CHAT: variants seen among roughly 807,000 people sequenced by gnomAD.
The protein encoded by CHAT is choline O-acetyltransferase.
In CHAT, 61 loss-of-function variants were observed where a neutral mutation model predicts 76.9. That is an observed-to-expected ratio of 0.79 (90% confidence interval 0.65 to 0.98). CHAT has a LOEUF of 0.98. Among genes scored for constraint, CHAT ranks in the 50% least tolerant of loss-of-function variants. The pLI is 0.00. For missense variants in CHAT, 946 were observed against 986.9 expected (o/e 0.96, Z 0.56); for synonymous variants, 407 against 397.4 (o/e 1.02, Z -0.29).
At chr10:49,640,315 T>C (rs1839437689) in intron 7 of CHAT, among the ~76,000 whole-genome samples, 1 of 152,166 alleles carries the variant, frequency 6.6e-6, no homozygotes, top group Admixed American at 6.5e-5. Flanking sequence ...TGATTTTCTG[T>C]TGAAACTTGG....
In CHAT at chr10:49,627,835, C is replaced by T. The variant is rs1396014904; in HGVS notation, c.1111+50C>T. The T allele has an allele frequency of 1.9e-6, 3 of 1,587,010 alleles. No individual in the cohort carries two copies. The Admixed American group carries it at 5.2e-5, about 27-fold the overall frequency. On this transcript the variant is annotated intron_variant, in intron 7 of 14. Transcript: ENST00000337653. ...TCCATGCCCATCTCATGCTCGTGCC[C>T]ATTGGCTTTCCCTCCTCTAGGGTTG... is the stretch of plus-strand genomic sequence containing the variant.
Position 49,649,844 on chromosome 10 carries a change from T to C in CHAT, c.1511+208T>C, listed in dbSNP as rs1917812. On this transcript the variant is annotated intron_variant, in intron 10 of 14. Coordinates refer to ENST00000337653, the MANE Select transcript of CHAT (RefSeq NM_020549.5). ...ACCTTGCTGAAGTATCCATCATTTCTCTAAAATGCAAACGCAGGGCTATTT... is the reference window on the plus strand; with the variant it reads ...ACCTTGCTGAAGTATCCATCATTTCCCTAAAATGCAAACGCAGGGCTATTT... Among the ~76,000 whole-genome samples, 147,332 of 149,082 alleles carry C rather than the reference T, an allele frequency of 0.99. 72,832 individuals carry two copies. Among genetic ancestry groups the C allele is most frequent in the Middle Eastern group, 1 (284 of 284 alleles).
intron 2 of CHAT, among the ~76,000 whole-genome samples, chr10:49,618,367 T>G (rs573755767): frequency 1.3e-5 from 2 of 152,316 alleles, no homozygotes; most frequent in African/African-American, 4.8e-5. Context: ...AGCTCTTTAA[T>G]CCTATGAAAG....
At chr10:49,638,565 T>C (rs887388911) in intron 7 of CHAT, among the ~76,000 whole-genome samples, 4 of 152,238 alleles carry the variant, frequency 2.6e-5, no homozygotes, top group East Asian at 1.9e-4. Flanking sequence ...AATTTTGATA[T>C]ACCTGTAACT....
chr10:49,648,482 G>A lies in CHAT; in HGVS notation c.1282-25G>A, dbSNP rs114196611. The A allele has an allele frequency of 3.7e-3, 5,859 of 1,594,596 alleles. 188 individuals are homozygous for A. The African/African-American group carries it at 0.066, about 18-fold the overall frequency. On this transcript the variant is annotated intron_variant, in intron 8 of 14. Transcript: ENST00000337653. Reference sequence around the variant, plus strand: ...TTGCAATGCTGACTCTCCCATGATCGCCCACTCCCTCTTTCCTGTTGCAGT... The same window carrying A: ...TTGCAATGCTGACTCTCCCATGATCACCCACTCCCTCTTTCCTGTTGCAGT...
rs779237093 is a variant in CHAT, at chr10:49,627,765, C to T, written c.1091C>T (p.Ala364Val). ...GACGGGAGGAGCGAGTGGGCCGAGG[C>T]CAGGACGGTCCTCGTGAAAGGTCAG... ...TSDGRSEWAE[A>V]RTVLVKDSTN... Residue 364 changes from alanine to valine, a missense_variant, in exon 7 of 15, where the codon GCC becomes GTC. By Grantham distance (64) the Ala-to-Val change is moderately conservative. Transcript: ENST00000337653. 3 of 1,613,854 alleles carry T rather than the reference C, an allele frequency of 1.9e-6. No individual in the cohort carries two copies. The East Asian group carries it at 6.7e-5, about 36-fold the overall frequency.
At chr10:49,609,746 G>A (rs1420760389), upstream of CHAT, among the ~76,000 whole-genome samples, 1 of 151,636 alleles carries the variant, frequency 6.6e-6, no homozygotes, top group Non-Finnish European at 1.5e-5. Flanking sequence ...GTGTGTGCAA[G>A]GGGCCAGGGG....
chr10:49,653,002 C>T (rs1839927932), intron 11 of CHAT, among the ~76,000 whole-genome samples: 1 of 152,064 alleles, frequency 6.6e-6, no homozygotes, highest in Non-Finnish European at 1.5e-5. Context: ...CTTTTTCTTT[C>T]AGGCAGTTGT....
chr10:49,642,366 G>T (rs1478429167), intron 7 of CHAT, among the ~76,000 whole-genome samples: 1 of 152,196 alleles, frequency 6.6e-6, no homozygotes. Flanking sequence ...AAGGCCACCT[G>T]GCTCCCCGCT....
At chr10:49,639,925 A>G (rs1175903038) in intron 7 of CHAT, among the ~76,000 whole-genome samples, 1 of 152,090 alleles carries the variant, frequency 6.6e-6, no homozygotes, top group Non-Finnish European at 1.5e-5. Context: ...TCCGTCTTCA[A>G]GTTCACTGAT....
intron 7 of CHAT, among the ~76,000 whole-genome samples, chr10:49,642,370 C>A (rs118125743): frequency 2.9e-3 from 436 of 152,338 alleles, no homozygotes; most frequent in South Asian, 4.6e-3. Context: ...CCACCTGGCT[C>A]CCCGCTCTGT....
intron 2 of CHAT, among the ~76,000 whole-genome samples, chr10:49,617,261 A>G (rs779252544): frequency 3.3e-5 from 5 of 150,134 alleles, no homozygotes; most frequent in Non-Finnish European, 5.9e-5. Flanking sequence ...TGTTCACTCC[A>G]TTGCCCTGAA....
chr10:49,620,684 G>A, intron 4 of CHAT, 71 bp downstream of exon 4: 1 of 1,205,914 alleles, frequency 8.3e-7, no homozygotes, highest in Non-Finnish European at 1.2e-6. Flanking sequence ...CCCAGTGCCA[G>A]CAAAGAAAGG....
intron 14 of CHAT, among the ~76,000 whole-genome samples, chr10:49,663,023 A>G (rs1006446139): frequency 2.6e-5 from 4 of 152,152 alleles, no homozygotes; most frequent in African/African-American, 9.7e-5. Flanking sequence ...GCTCCAGCCC[A>G]GGAGTTTGAG....
At chr10:49,610,778 C>T (rs974953532), upstream of CHAT, 2 of 1,564,712 alleles carry the variant, frequency 1.3e-6, no homozygotes, top group East Asian at 2.3e-5. Flanking sequence ...GCCCGGGCGG[C>T]GGCCACCAAG....
chr10:49,644,734 G>C (rs1027551218), intron 7 of CHAT, among the ~76,000 whole-genome samples: 2 of 152,206 alleles, frequency 1.3e-5, no homozygotes, highest in Non-Finnish European at 2.9e-5. Context: ...GGGATGCATG[G>C]GGACTGGAGA....
chr10:49,613,491 CAG>C (rs893854042), upstream of CHAT, among the ~76,000 whole-genome samples: 2 of 152,184 alleles, frequency 1.3e-5, no homozygotes, highest in African/African-American at 4.8e-5. Flanking sequence ...ATGATCGAGG[CAG>C]AGTCTTCCCA....
chr10:49,618,203 G>T (rs1590558607), intron 2 of CHAT, among the ~76,000 whole-genome samples: 1 of 152,172 alleles, frequency 6.6e-6, no homozygotes, highest in East Asian at 1.9e-4. Context: ...CTCCACAAGA[G>T]TACACCCTTC....
intron 7 of CHAT, among the ~76,000 whole-genome samples, chr10:49,635,958 C>T (rs1245777381): frequency 6.6e-6 from 1 of 151,956 alleles, no homozygotes; most frequent in South Asian, 2.1e-4. Context: ...AAAAGGGATA[C>T]AGATCAGAAA....
Sources: gnomAD v4.1 joint callset for allele counts (sites outside exome capture counted in the v4.1 genomes callset) on GRCh38, gnomAD v4.1.1 for gene constraint, MANE v1.5 for transcripts, NCBI Gene and HGNC (gene_info 2026-07-23, HGNC 2026-07-21) for gene names.